The following GATA1 variants were observed in gnomAD, a reference collection of about 807,000 sequenced individuals.
The protein encoded by GATA1 is GATA binding protein 1.
In GATA1, 2 loss-of-function variants were observed where a neutral mutation model predicts 18.9. The ratio of observed to expected loss-of-function variants is 0.11; its 90% CI spans 0.04 to 0.33. The LOEUF is 0.33. Among genes scored for constraint, GATA1 ranks in the 10% least tolerant of loss-of-function variants. GATA1 has a pLI of 1.00. For synonymous variants in GATA1, 152 were observed against 149.1 expected (o/e 1.02, Z -0.14); for missense variants, 272 against 344.7 (o/e 0.79, Z 1.67).
chrX:48,792,423 G>C lies in GATA1; in HGVS notation c.699G>C (p.Lys233Asn). The C allele has an allele frequency of 8.3e-7, 1 of 1,211,970 alleles. No individual in the cohort carries two copies. The highest frequency in any genetic ancestry group is 1.1e-6 in the Non-Finnish European group (1 of 895,564). ...YLCNACGLYH[K>N]MNGQNRPLIR... is the part of the protein sequence containing the mutation. ...GCAACGCCTGCGGCCTCTATCACAA[G>C]ATGAATGGGCAGAACAGGCCCCTCA... The change falls in exon 4 of 6, where the codon AAG becomes AAC. Residue 233 changes from lysine to asparagine, a missense_variant. By Grantham distance (94) the Lys-to-Asn change is moderately conservative. Around this residue, in one of 3 missense-constraint regions of GATA1, gnomAD observed 42 missense variants for 103.2 expected, o/e 0.41. Coordinates refer to ENST00000376670, the MANE Select transcript of GATA1 (RefSeq NM_002049.4).
chrX:48,792,597 G>C (rs782721888), intron 4 of GATA1, 129 bp downstream of exon 4: 2 of 841,364 alleles, frequency 2.4e-6, no homozygotes, highest in Admixed American at 2.4e-5. Context: ...AGGCCACCCT[G>C]TATGGGAACC....
intron 1 of GATA1, among the ~76,000 whole-genome samples, chrX:48,788,460 CAGAG>C (rs1557019519): frequency 9.0e-6 from 1 of 110,995 alleles, no homozygotes; most frequent in South Asian, 3.8e-4. Context: ...GAATTAGAGA[CAGAG>C]AGGAAAGAGA....
chrX:48,791,043 G>T, intron 1 of GATA1, 48 bp from the exon 2 acceptor site: 2 of 873,900 alleles, frequency 2.3e-6, no homozygotes, highest in South Asian at 2.1e-5. Flanking sequence ...GTGAAAGGAG[G>T]TGGGGGGGAA....
chrX:48,793,108 G>C, intron 4 of GATA1, 64 bp from the exon 5 acceptor site: 2 of 1,174,870 alleles, frequency 1.7e-6, no homozygotes, highest in Non-Finnish European at 1.2e-6. Context: ...GACATCCCCT[G>C]TGAGCCCCTT....
rs1277612196 is a variant in GATA1 at position 48,793,941 on chromosome X, G to A, written c.1019G>A (p.Gly340Asp). 13 of 1,202,219 alleles carry A rather than the reference G, an allele frequency of 1.1e-5. No individual in the cohort carries two copies. In the African/African-American group the frequency reaches 1.2e-4, roughly 11 times the overall value. ...PAGGFMVVAG[G>D]SGSGNCGEVA... ...GGTGGCTTTATGGTGGTGGCTGGGG[G>A]CAGCGGTAGCGGGAATTGTGGGGAG... Residue 340 changes from glycine (G) to aspartate (D), a missense_variant, in exon 6 of 6, where the codon GGC becomes GAC. By Grantham distance (94) the Gly-to-Asp change is moderately conservative. This residue lies in a region of GATA1 where 83 missense variants were observed against 84.2 expected (regional missense o/e 0.99). Coordinates refer to ENST00000376670, the MANE Select transcript of GATA1 (RefSeq NM_002049.4).
intron 1 of GATA1, among the ~76,000 whole-genome samples, chrX:48,790,571 A>AG (rs1557019870): frequency 1.9e-5 from 2 of 107,932 alleles, no homozygotes; most frequent in South Asian, 8.2e-4. Context: ...GAGAAGGAGG[A>AG]GGTCAAGGAG....
chrX:48,789,441 A>G lies in GATA1; in HGVS notation c.-19-1650A>G, dbSNP rs782705135. ...GAGTCAGGGGAAAGAGCCCCAGGGG[A>G]TAGAGAAGTGGAGAGCTAGATGACA... On this transcript the variant is annotated intron_variant, in intron 1 of 5. Transcript: ENST00000376670. 3.6e-5 allele frequency among the ~76,000 whole-genome samples: 4 copies of G among 111,620 alleles called. No individual in the cohort carries two copies. In the South Asian group the frequency reaches 1.5e-3, roughly 42 times the overall value.
Position 48,791,925 on chromosome X carries a change from C to T in GATA1, c.302C>T (p.Thr101Met), listed in dbSNP as rs200599207. The T allele has an allele frequency of 7.4e-6, 9 of 1,210,273 alleles. No individual in the cohort carries two copies. The highest frequency in any genetic ancestry group is 5.2e-5 in the African/African-American group (3 of 57,323). Residue 101 changes from threonine to methionine, a missense_variant, in exon 3 of 6, where the codon ACG becomes ATG. By Grantham distance (81) the Thr-to-Met change is moderately conservative. Coordinates refer to ENST00000376670, the MANE Select transcript of GATA1 (RefSeq NM_002049.4). ...SPYAGWAYGKTGLYPASTVCP... is the reference protein window; with the variant it reads ...SPYAGWAYGKMGLYPASTVCP... ...TATGCCGGCTGGGCCTACGGCAAGA[C>T]GGGGCTCTACCCTGCCTCAACTGTG...
At chrX:48,789,221 C>T (rs782052617) in intron 1 of GATA1, among the ~76,000 whole-genome samples, 3 of 108,923 alleles carry the variant, frequency 2.8e-5, no homozygotes, top group African/African-American at 1.0e-4. Flanking sequence ...GCACGAGAAT[C>T]ACTTGAACCT....
rs199710067 is a variant in GATA1 at position 48,793,967 on chromosome X, G to A, written c.1045G>A (p.Val349Met). The change falls in exon 6 of 6, where the codon GTG becomes ATG. Residue 349 changes from valine (V) to methionine (M), a missense_variant. Physicochemically the swap from Val to Met is conservative, Grantham distance 21 (BLOSUM62 1). Around this residue, in one of 3 missense-constraint regions of GATA1, gnomAD observed 83 missense variants for 84.2 expected, o/e 0.99. Coordinates refer to ENST00000376670, the MANE Select transcript of GATA1 (RefSeq NM_002049.4). ...CAGCGGTAGCGGGAATTGTGGGGAG[G>A]TGGCTTCAGGCCTGACACTGGGCCC... ...GGSGSGNCGE[V>M]ASGLTLGPPG... The A allele has an allele frequency of 1.5e-4, 179 of 1,202,851 alleles. No homozygotes were observed. Among genetic ancestry groups the A allele is most frequent in the Non-Finnish European group, 1.9e-4 (171 of 891,017 alleles).
intron 1 of GATA1, among the ~76,000 whole-genome samples, chrX:48,790,820 A>T (rs1420286683): frequency 2.0e-5 from 2 of 98,991 alleles, no homozygotes; most frequent in African/African-American, 7.5e-5. Flanking sequence ...AAACGGCAAG[A>T]GGGGGAGAAC....
rs1376617602 is a variant in GATA1, at chrX:48,792,090, T to C, written c.467T>C (p.Leu156Pro). 2.5e-6 allele frequency: 3 copies of C among 1,209,977 alleles called. No homozygotes were observed. The highest frequency in any genetic ancestry group is 3.4e-6 in the Non-Finnish European group (3 of 895,111). Residue 156 changes from leucine to proline, a missense_variant, in exon 3 of 6, where the codon CTC (leucine) becomes CCC (proline). By Grantham distance (98) the Leu-to-Pro change is moderately conservative (BLOSUM62 -3). Around this residue, in one of 3 missense-constraint regions of GATA1, gnomAD observed 147 missense variants for 157.4 expected, o/e 0.93. Coordinates refer to ENST00000376670, the MANE Select transcript of GATA1 (RefSeq NM_002049.4). Reference sequence around the variant, plus strand: ...CTGGGACCTGCACTGCCTTCATCACTCCCTGTCCCCAATAGTGCTTATGGG... The same window carrying C: ...CTGGGACCTGCACTGCCTTCATCACCCCCTGTCCCCAATAGTGCTTATGGG... Reference protein sequence around the residue: ...LTLGPALPSSLPVPNSAYGGP... With the variant: ...LTLGPALPSSPPVPNSAYGGP...
chrX:48,789,744 A>G (rs782618060), intron 1 of GATA1, among the ~76,000 whole-genome samples: 8 of 110,712 alleles, frequency 7.2e-5, no homozygotes, highest in Admixed American at 4.8e-4. Flanking sequence ...CCCCCCCCCA[A>G]CCAAGAAGTA....
intron 5 of GATA1, among the ~76,000 whole-genome samples, 183 bp from the exon 6 acceptor site, chrX:48,793,610 A>C (rs1325047378): frequency 9.3e-6 from 1 of 107,659 alleles, no homozygotes; most frequent in Admixed American, 1.0e-4. Flanking sequence ...GACCTTGGGC[A>C]GCTCCTATCA....
chrX:48,794,081 C>T lies in GATA1; in HGVS notation c.1159C>T (p.Leu387=), dbSNP rs2062683122. ...SHLMPFPGPL[L]GSPTGSFPTG... is the part of the protein sequence containing the mutation. The stretch of plus-strand genomic sequence containing the variant: ...CCTCATGCCTTTCCCTGGACCCCTA[C>T]TGGGCTCACCCACGGGCTCCTTCCC... Residue 387 remains leucine (L), a synonymous_variant, in exon 6 of 6, where the codon CTG becomes TTG. Transcript: ENST00000376670. 6.6e-6 allele frequency: 8 copies of T among 1,206,253 alleles called. No individual in the cohort carries two copies. Among genetic ancestry groups the T allele is most frequent in the Non-Finnish European group, 2.2e-6 (2 of 892,765 alleles).
rs781859069 is a variant in GATA1, at chrX:48,792,220, T to C, written c.597T>C (p.Cys199=). The change falls in exon 3 of 6, where the codon TGT becomes TGC. Residue 199 remains cysteine, a splice_region_variant and synonymous_variant. Coordinates refer to ENST00000376670, the MANE Select transcript of GATA1 (RefSeq NM_002049.4). ...KLRGTLPLPP[C]EARECVNCGA... is the part of the protein sequence containing the mutation. ...GTGGAACTCTCCCCCTGCCTCCCTG[T>C]GGTGAGAAATTCAAAAAAGGACAGG... is the stretch of plus-strand genomic sequence containing the variant. 2 of 1,211,029 alleles carry C rather than the reference T, an allele frequency of 1.7e-6. No individual in the cohort carries two copies. The highest frequency in any genetic ancestry group is 2.2e-6 in the Non-Finnish European group (2 of 895,267).
Position 48,792,183 on chromosome X carries a change from C to G in GATA1, c.560C>G (p.Ser187Cys), listed in dbSNP as rs1569499570. Residue 187 changes from serine (S) to cysteine (C), a missense_variant, in exon 3 of 6, where the codon TCT becomes TGT. By Grantham distance (112) the Ser-to-Cys change is moderately radical (BLOSUM62 -1). Around this residue, in one of 3 missense-constraint regions of GATA1, gnomAD observed 147 missense variants for 157.4 expected, o/e 0.93. Coordinates refer to ENST00000376670, the MANE Select transcript of GATA1 (RefSeq NM_002049.4). ...GSPLNSAAYSSPKLRGTLPLP... is the reference protein window; with the variant it reads ...GSPLNSAAYSCPKLRGTLPLP... ...CCCCTCAATTCAGCAGCCTATTCCT[C>G]TCCCAAGCTTCGTGGAACTCTCCCC... 8.3e-7 allele frequency: 1 copy of G among 1,211,716 alleles called. No individual in the cohort carries two copies. The highest frequency in any genetic ancestry group is 1.1e-6 in the Non-Finnish European group (1 of 895,507).
chrX:48,789,821 C>T (rs372505500), intron 1 of GATA1, among the ~76,000 whole-genome samples: 1 of 110,424 alleles, frequency 9.1e-6, no homozygotes, highest in Non-Finnish European at 1.9e-5. Context: ...GAGTCAAGCC[C>T]GGAAACCATG....
At chrX:48,791,799 C>T in intron 2 of GATA1, 45 bp from the exon 3 acceptor site, 1 of 1,204,559 alleles carries the variant, frequency 8.3e-7, no homozygotes, top group Non-Finnish European at 1.1e-6. Flanking sequence ...TGACCCTAGA[C>T]TGATTTTGCC....
Sources: gnomAD v4.1 joint callset for allele counts (sites outside exome capture counted in the v4.1 genomes callset) on GRCh38, gnomAD v4.1.1 for gene constraint, gnomAD v4.1.1 regional missense constraint, MANE v1.5 for transcripts, NCBI Gene and HGNC (gene_info 2026-07-23, HGNC 2026-07-21) for gene names.